The following KIZ variants were observed in gnomAD, a reference collection of about 807,000 sequenced individuals.
KIZ encodes centrosomal protein kizuna.
Under a neutral mutation model 79.6 loss-of-function variants are expected in KIZ, and 68 were observed. That is an observed-to-expected ratio of 0.85 (90% CI 0.70 to 1.05). The LOEUF is 1.05. Ranked by LOEUF, KIZ falls within the 50% of genes least tolerant of loss-of-function variation. KIZ has a pLI of 0.00. For synonymous variants in KIZ, 280 were observed against 281.8 expected (o/e 0.99, Z 0.06); for missense variants, 797 against 800.4 (o/e 1.00, Z 0.05).
intron 9 of KIZ, among the ~76,000 whole-genome samples, chr20:21,217,586 T>TG (rs1394838645): frequency 1.3e-5 from 2 of 152,194 alleles, no homozygotes; most frequent in Non-Finnish European, 2.9e-5. Context: ...GCAGTTGGGC[T>TG]GGGGCTTTGC....
chr20:21,138,633 C>A (rs532062143), intron 3 of KIZ, among the ~76,000 whole-genome samples: 1 of 152,208 alleles, frequency 6.6e-6, no homozygotes, highest in South Asian at 2.1e-4. Context: ...CTGACTTTGA[C>A]CCCTTGGTTA....
intron 6 of KIZ, among the ~76,000 whole-genome samples, chr20:21,193,647 CAT>C (rs1568963191): frequency 6.6e-6 from 1 of 151,902 alleles, no homozygotes; most frequent in Non-Finnish European, 1.5e-5. Context: ...AAATGTGGCA[CAT>C]ATACACCATG....
chr20:21,243,163 G>C (rs952524688), intron 11 of KIZ, among the ~76,000 whole-genome samples: 2 of 152,106 alleles, frequency 1.3e-5, no homozygotes, highest in Non-Finnish European at 2.9e-5. Context: ...GGCCTTTCCA[G>C]ATGCTCGTAG....
intron 3 of KIZ, among the ~76,000 whole-genome samples, chr20:21,140,270 T>C (rs962401254): frequency 6.6e-6 from 1 of 152,166 alleles, no homozygotes; most frequent in Non-Finnish European, 1.5e-5. Flanking sequence ...GGGAGAAAGG[T>C]GTTCACAGTG....
intron 9 of KIZ, among the ~76,000 whole-genome samples, chr20:21,225,772 A>G (rs138287796): frequency 2.1e-4 from 32 of 152,316 alleles, no homozygotes; most frequent in African/African-American, 7.2e-4. Flanking sequence ...CTCTTGCTTC[A>G]TGAAACTAGC....
chr20:21,214,942 A>G, intron 8 of KIZ, among the ~76,000 whole-genome samples: 1 of 152,260 alleles, frequency 6.6e-6, no homozygotes, highest in Non-Finnish European at 1.5e-5. Flanking sequence ...TAAAATAAGT[A>G]TGAAGAAGTT....
chr20:21,172,630 C>T (rs1458047806), intron 6 of KIZ, among the ~76,000 whole-genome samples: 1 of 151,832 alleles, frequency 6.6e-6, no homozygotes, highest in African/African-American at 2.4e-5. Context: ...GAAGAATAAG[C>T]AGGTTAAGTA....
chr20:21,207,829 G>C (rs1382699509), intron 7 of KIZ, among the ~76,000 whole-genome samples: 1 of 152,048 alleles, frequency 6.6e-6, no homozygotes, highest in Non-Finnish European at 1.5e-5. Context: ...TCCTGCCTCA[G>C]CCTCCCAAGT....
At chr20:21,223,962 G>A (rs1312822361) in intron 9 of KIZ, among the ~76,000 whole-genome samples, 2 of 152,022 alleles carry the variant, frequency 1.3e-5, no homozygotes, top group Non-Finnish European at 2.9e-5. Flanking sequence ...ACAGGCGTGA[G>A]CCACTGCACC....
chr20:21,163,145 C>G lies in KIZ; in HGVS notation c.1338C>G (p.Asn446Lys). ...ATTCAGAAAAGGAATCCTCCACTAACGCACCAACAAGAGAGTAAGCCATTC... is the reference window on the plus strand; with the variant it reads ...ATTCAGAAAAGGAATCCTCCACTAAGGCACCAACAAGAGAGTAAGCCATTC... ...SPDSEKESST[N>K]APTREPGQTP... Residue 446 changes from asparagine (N) to lysine (K), a missense_variant, in exon 6 of 13, where the codon AAC becomes AAG. Coordinates refer to ENST00000619189, the MANE Select transcript of KIZ (RefSeq NM_018474.6). The G allele has an allele frequency of 6.2e-7, 1 of 1,609,330 alleles. No individual in the cohort carries two copies. The highest frequency in any genetic ancestry group is 1.1e-5 in the South Asian group (1 of 90,278).
chr20:21,226,812 A>T (rs1340091428), intron 9 of KIZ, among the ~76,000 whole-genome samples: 2 of 152,224 alleles, frequency 1.3e-5, no homozygotes, highest in African/African-American at 2.4e-5. Context: ...GGGCAGCTGC[A>T]TCCCAAATAA....
At chr20:21,186,707 T>C (rs1568956831) in intron 6 of KIZ, among the ~76,000 whole-genome samples, 1 of 151,798 alleles carries the variant, frequency 6.6e-6, no homozygotes, top group Non-Finnish European at 1.5e-5. Context: ...TCTACTAAAA[T>C]ATATCTGAGA....
chr20:21,246,192 G>A, intron 12 of KIZ: 2 of 375,394 alleles, frequency 5.3e-6, no homozygotes, highest in South Asian at 8.0e-5. Context: ...ATGTAACCCT[G>A]ACCTTAAATC....
At chr20:21,217,666 G>C (rs750491520) in intron 9 of KIZ, among the ~76,000 whole-genome samples, 10 of 152,114 alleles carry the variant, frequency 6.6e-5, no homozygotes, top group Non-Finnish European at 1.5e-4. Context: ...CTCTGTATTG[G>C]GAAAGCAGAC....
At chr20:21,204,106 T>G (rs13039135) in intron 6 of KIZ, among the ~76,000 whole-genome samples, 5 of 51,574 alleles carry the variant, frequency 9.7e-5, no homozygotes, top group South Asian at 5.2e-4. Context: ...GTCATCTATG[T>G]TTTTTTTTTT....
chr20:21,246,583 G>A lies in KIZ; in HGVS notation c.*7G>A, dbSNP rs1170610516. ...TGATGATTTTTATGACTAACGTGCT[G>A]TGACATTGGTTTCAAATAAAGTCTT... On this transcript the variant is annotated 3_prime_UTR_variant, in exon 13 of 13. Coordinates refer to ENST00000619189, the MANE Select transcript of KIZ (RefSeq NM_018474.6). The A allele has an allele frequency of 7.8e-6, 12 of 1,537,122 alleles. No homozygotes were observed. Among genetic ancestry groups the A allele is most frequent in the African/African-American group, 1.4e-5 (1 of 73,090 alleles).
chr20:21,173,447 G>A (rs1007203631), intron 6 of KIZ, among the ~76,000 whole-genome samples: 3 of 151,790 alleles, frequency 2.0e-5, no homozygotes, highest in Non-Finnish European at 4.4e-5. Flanking sequence ...GTGTGGTGGC[G>A]GGTGCCTGTA....
chr20:21,214,943 T>C (rs1025563708), intron 8 of KIZ, among the ~76,000 whole-genome samples: 7 of 152,210 alleles, frequency 4.6e-5, no homozygotes, highest in African/African-American at 1.7e-4. Flanking sequence ...AAAATAAGTA[T>C]GAAGAAGTTA....
chr20:21,132,001 C>G, intron 1 of KIZ, 96 bp from the exon 2 acceptor site: 1 of 652,998 alleles, frequency 1.5e-6, no homozygotes, highest in Non-Finnish European at 2.7e-6. Flanking sequence ...TAATCAACAC[C>G]TTGCAACAAA....
Sources: gnomAD v4.1 joint callset for allele counts (sites outside exome capture counted in the v4.1 genomes callset) on GRCh38, gnomAD v4.1.1 for gene constraint, MANE v1.5 for transcripts, NCBI Gene and HGNC (gene_info 2026-07-23, HGNC 2026-07-21) for gene names.